Variants in RAB6A observed in about 807,000 individuals in gnomAD.
RAB6A encodes RAB6A, member RAS oncogene family, also known as ras-related protein Rab-6A.
Under a neutral mutation model 32.3 loss-of-function variants are expected in RAB6A, and 8 were observed. That is an observed-to-expected ratio of 0.25 (90% CI 0.15 to 0.45). The LOEUF (loss-of-function observed/expected upper bound fraction) is 0.45. RAB6A is among the 20% of genes least tolerant of loss of function. The pLI, the probability that RAB6A is intolerant of heterozygous loss-of-function variation, is 1.00. For missense variants in RAB6A, 104 were observed against 249.4 expected, an observed-to-expected ratio of 0.42 and a Z score of 3.93; for synonymous variants, 73 against 82.1, an observed-to-expected ratio of 0.89 and a Z score of 0.60.
At chr11:73,758,381 C>A (rs1946792934) in intron 1 of RAB6A, among the ~76,000 whole-genome samples, 1 of 151,906 alleles carries the variant, frequency 6.6e-6, no homozygotes, top group Non-Finnish European at 1.5e-5. Flanking sequence ...AACAAATGTG[C>A]CATACTAATG....
intron 6 of RAB6A, among the ~76,000 whole-genome samples, chr11:73,697,202 C>T (rs1446332396): frequency 6.6e-6 from 1 of 152,184 alleles, no homozygotes; most frequent in Non-Finnish European, 1.5e-5. Context: ...TTCTCAATTC[C>T]TTCAGTTCTT....
chr11:73,687,989 T>G (rs1286351865), intron 6 of RAB6A, among the ~76,000 whole-genome samples: 2 of 152,232 alleles, frequency 1.3e-5, no homozygotes, highest in Non-Finnish European at 2.9e-5. Flanking sequence ...ATAGTGTCTT[T>G]CTTAGTGTAT....
At chr11:73,757,172 C>T (rs1207568474) in intron 1 of RAB6A, among the ~76,000 whole-genome samples, 3 of 103,212 alleles carry the variant, frequency 2.9e-5, no homozygotes, top group Non-Finnish European at 5.3e-5. Flanking sequence ...GAGACAGAGT[C>T]TCACTCTGTC....
chr11:73,711,137 A>G (rs1463039645), intron 5 of RAB6A, among the ~76,000 whole-genome samples: 1 of 152,128 alleles, frequency 6.6e-6, no homozygotes, highest in African/African-American at 2.4e-5. Flanking sequence ...GGGCACCACC[A>G]GGACTTGAAA....
In RAB6A at chr11:73,676,656, T is replaced by C. The variant is rs11539613; in HGVS notation, c.*1242A>G. 6.0e-6 allele frequency: 1 copy of C among 167,068 alleles called. No homozygotes were observed. Among genetic ancestry groups the C allele is most frequent in the Non-Finnish European group, 1.5e-5 (1 of 68,112 alleles). 10.3% of individuals were successfully genotyped at this position (167,068 alleles called of 1,614,324 possible). ...AAAAATAAGGCATAAATCTGCATAA[T>C]ATTGAGTTTTATTTCCATTCTCTCC... is the stretch of plus-strand genomic sequence containing the variant. On this transcript the variant is annotated 3_prime_UTR_variant, in exon 8 of 8. Coordinates refer to ENST00000336083, the MANE Select transcript of RAB6A (RefSeq NM_198896.2).
intron 7 of RAB6A, among the ~76,000 whole-genome samples, chr11:73,678,338 CG>C (rs1945298307): frequency 6.6e-6 from 1 of 152,156 alleles, no homozygotes; most frequent in African/African-American, 2.4e-5. Flanking sequence ...GACTTCAGGC[CG>C]GGTGCCGTGG....
Position 73,705,369 on chromosome 11 carries a change from G to A in RAB6A, c.495+2051C>T, listed in dbSNP as rs546469280. Among the ~76,000 whole-genome samples the A allele has an allele frequency of 9.2e-5, 14 of 152,214 alleles. No homozygotes were observed. The East Asian group carries it at 2.5e-3, about 27-fold the overall frequency. On this transcript the variant is annotated intron_variant, in intron 6 of 7. Coordinates refer to ENST00000336083, the MANE Select transcript of RAB6A (RefSeq NM_198896.2). ...TTGAGTCAAGCCTGGCCAACAAGGT[G>A]AAACCCTGTCTTTACTAAAAGTACA...
intron 2 of RAB6A, among the ~76,000 whole-genome samples, chr11:73,726,102 T>C (rs556934210): frequency 6.6e-6 from 1 of 150,628 alleles, no homozygotes; most frequent in Non-Finnish European, 1.5e-5. Context: ...CTGGCCAATA[T>C]GGTGAAACCC....
At chr11:73,732,358 G>C (rs58862453) in intron 1 of RAB6A, among the ~76,000 whole-genome samples, 1 of 151,848 alleles carries the variant, frequency 6.6e-6, no homozygotes, top group African/African-American at 2.4e-5. Flanking sequence ...AGGCCGAGGC[G>C]GGCGGATCAC....
At chr11:73,693,746 T>C (rs975690774) in intron 6 of RAB6A, among the ~76,000 whole-genome samples, 1 of 151,590 alleles carries the variant, frequency 6.6e-6, no homozygotes, top group Non-Finnish European at 1.5e-5. Context: ...TCAGGTGTGG[T>C]GGTGGACGCC....
chr11:73,717,530 C>T (rs191893759), intron 4 of RAB6A, among the ~76,000 whole-genome samples: 5 of 152,156 alleles, frequency 3.3e-5, no homozygotes, highest in East Asian at 1.9e-4. Context: ...CTGCAACCTC[C>T]GCCTCCCAGG....
intron 1 of RAB6A, among the ~76,000 whole-genome samples, chr11:73,731,917 T>A (rs543112926): frequency 0.038 from 5,807 of 150,846 alleles, 153 homozygotes; most frequent in Middle Eastern, 0.071. Flanking sequence ...AATTTTTTGT[T>A]ATTTTTAGTA....
chr11:73,697,183 T>C (rs1945667691), intron 6 of RAB6A, among the ~76,000 whole-genome samples: 1 of 152,186 alleles, frequency 6.6e-6, no homozygotes, highest in Admixed American at 6.5e-5. Flanking sequence ...GATGTATAAA[T>C]GGCTCACTTT....
chr11:73,692,052 T>TGAAC (rs1325922962), intron 6 of RAB6A, among the ~76,000 whole-genome samples: 2 of 152,302 alleles, frequency 1.3e-5, no homozygotes, highest in Non-Finnish European at 2.9e-5. Flanking sequence ...GGGTACCTAT[T>TGAAC]GAACGTTAAT....
intron 5 of RAB6A, among the ~76,000 whole-genome samples, chr11:73,714,818 T>A (rs944595334): frequency 6.8e-6 from 1 of 146,348 alleles, no homozygotes; most frequent in East Asian, 2.1e-4. Context: ...ATACAAAAAT[T>A]TGCAGGACAT....
intron 2 of RAB6A, among the ~76,000 whole-genome samples, chr11:73,725,685 A>T (rs1946206357): frequency 6.6e-6 from 1 of 152,164 alleles, no homozygotes; most frequent in Non-Finnish European, 1.5e-5. Context: ...ATTATCTTCC[A>T]CTGGATCTCT....
chr11:73,679,632 T>C, intron 7 of RAB6A, 22 bp downstream of exon 7: 8 of 1,613,412 alleles, frequency 5.0e-6, no homozygotes, highest in Non-Finnish European at 6.8e-6. Context: ...ATGAAAAATT[T>C]CCAATGAAAT....
At chr11:73,718,534 C>T (rs1414772846) in intron 4 of RAB6A, 79 bp downstream of exon 4, 38 of 1,213,026 alleles carry the variant, frequency 3.1e-5, no homozygotes, top group Admixed American at 1.0e-4. Flanking sequence ...GTAAGGAAAA[C>T]AAGCACAAGA....
At chr11:73,713,042 T>C (rs1397232318) in intron 5 of RAB6A, among the ~76,000 whole-genome samples, 3 of 152,130 alleles carry the variant, frequency 2.0e-5, no homozygotes, top group Admixed American at 6.5e-5. Flanking sequence ...TTAATATAAA[T>C]AGGGTCATCT....
Sources: gnomAD v4.1 joint callset for allele counts (sites outside exome capture counted in the v4.1 genomes callset) on GRCh38, gnomAD v4.1.1 for gene constraint, MANE v1.5 for transcripts, NCBI Gene and HGNC (gene_info 2026-07-23, HGNC 2026-07-21) for gene names.